The following PIWIL4 variants were observed in gnomAD, a reference collection of about 807,000 sequenced individuals.
The protein encoded by PIWIL4 is piwi-like protein 4.
A neutral mutation model predicts 100.9 loss-of-function variants in PIWIL4; 50 were observed. The ratio of observed to expected loss-of-function variants is 0.50; its 90% CI spans 0.39 to 0.63. PIWIL4 has a LOEUF of 0.63. PIWIL4 is among the 20% of genes least tolerant of loss of function. PIWIL4 has a pLI of 0.00. For missense variants in PIWIL4, 887 were observed against 1,043.3 expected (o/e 0.85, Z 2.06); for synonymous variants, 342 against 367.5 (o/e 0.93, Z 0.79).
chr11:94,588,749 G>A (rs888398461), intron 7 of PIWIL4, among the ~76,000 whole-genome samples: 2 of 152,192 alleles, frequency 1.3e-5, no homozygotes, highest in African/African-American at 4.8e-5. Context: ...CTACCTGGGA[G>A]GTCAGAAACT....
chr11:94,592,118 C>T (rs1360845986), intron 8 of PIWIL4, among the ~76,000 whole-genome samples: 1 of 152,200 alleles, frequency 6.6e-6, no homozygotes, highest in East Asian at 1.9e-4. Context: ...CTACCACCAT[C>T]TCCTTTTCCT....
At chr11:94,614,131 T>TA (rs1192463130) in intron 15 of PIWIL4, among the ~76,000 whole-genome samples, 1 of 151,724 alleles carries the variant, frequency 6.6e-6, no homozygotes, top group Non-Finnish European at 1.5e-5. Context: ...ATTTTTTTTT[T>TA]AATGTCATTG....
At chr11:94,607,398 G>T (rs1440241225) in intron 13 of PIWIL4, 41 bp from the exon 14 acceptor site, 1 of 1,556,948 alleles carries the variant, frequency 6.4e-7, no homozygotes. Flanking sequence ...CTTAGCAGAA[G>T]TAAATTAACT....
chr11:94,591,585 A>G (rs929256342), intron 8 of PIWIL4, among the ~76,000 whole-genome samples: 1 of 152,354 alleles, frequency 6.6e-6, no homozygotes, highest in African/African-American at 2.4e-5. Flanking sequence ...TCTTTCTTGC[A>G]TGATTAAATT....
intron 10 of PIWIL4, 56 bp from the exon 11 acceptor site, chr11:94,597,748 T>C: frequency 7.9e-7 from 1 of 1,268,268 alleles, no homozygotes; most frequent in Non-Finnish European, 1.1e-6. Flanking sequence ...CCCTGACGAA[T>C]TCAGTAAGTT....
rs752447739 is a variant in PIWIL4 at position 94,608,567 on chromosome 11, A to T, written c.1840-16A>T. 4.4e-6 allele frequency: 7 copies of T among 1,601,522 alleles called. No individual in the cohort carries two copies. The highest frequency in any genetic ancestry group is 6.0e-6 in the Non-Finnish European group (7 of 1,168,922). Reference sequence around the variant, plus strand: ...ATACCTCATCCCATTAAATCATGACAAATTTAATTTTATAGTTAAAGTCCC... The same window carrying T: ...ATACCTCATCCCATTAAATCATGACTAATTTAATTTTATAGTTAAAGTCCC... On this transcript the variant is annotated splice_polypyrimidine_tract_variant and intron_variant, in intron 14 of 19. Transcript: ENST00000299001.
Position 94,579,002 on chromosome 11 carries a change from G to T in PIWIL4, c.513+1510G>T, listed in dbSNP as rs1194675382. On this transcript the variant is annotated intron_variant, in intron 4 of 19. Coordinates refer to ENST00000299001, the MANE Select transcript of PIWIL4 (RefSeq NM_152431.3). Reference sequence around the variant, plus strand: ...TGATTTCTTAATTATGAAGCTGGTGGTCTGGTATTTTTAAAATAAGAGCTG... The same window carrying T: ...TGATTTCTTAATTATGAAGCTGGTGTTCTGGTATTTTTAAAATAAGAGCTG... Among the ~76,000 whole-genome samples the T allele has an allele frequency of 2.0e-5, 3 of 152,196 alleles. No homozygotes were observed. The East Asian group carries it at 5.8e-4, about 29-fold the overall frequency.
chr11:94,574,832 G>A (rs1239895949), intron 2 of PIWIL4, among the ~76,000 whole-genome samples, 167 bp from the exon 3 acceptor site: 6 of 152,256 alleles, frequency 3.9e-5, no homozygotes, highest in African/African-American at 1.2e-4. Context: ...ACAATTTTCC[G>A]TTTTTAGGCT....
chr11:94,581,673 A>G (rs1284219681), intron 4 of PIWIL4, among the ~76,000 whole-genome samples: 1 of 152,204 alleles, frequency 6.6e-6, no homozygotes, highest in Non-Finnish European at 1.5e-5. Flanking sequence ...GTGCCACTGA[A>G]ATAGTGTGGG....
chr11:94,600,605 G>T (rs879930100), intron 11 of PIWIL4, among the ~76,000 whole-genome samples: 3 of 152,164 alleles, frequency 2.0e-5, no homozygotes, highest in Admixed American at 2.0e-4. Context: ...TTCGGGCACC[G>T]TTGTCACTGA....
intron 11 of PIWIL4, among the ~76,000 whole-genome samples, chr11:94,601,115 C>T (rs933587569): frequency 5.3e-5 from 8 of 151,224 alleles, no homozygotes; most frequent in Non-Finnish European, 1.0e-4. Flanking sequence ...AAAGTAAAGA[C>T]AGGCATAAGA....
chr11:94,592,315 C>T (rs1948497250), intron 8 of PIWIL4, among the ~76,000 whole-genome samples: 2 of 152,200 alleles, frequency 1.3e-5, no homozygotes, highest in South Asian at 2.1e-4. Context: ...GTTTGTTGTG[C>T]TTTATCGTGC....
chr11:94,577,903 C>A (rs998932926), intron 4 of PIWIL4, among the ~76,000 whole-genome samples: 1 of 152,162 alleles, frequency 6.6e-6, no homozygotes, highest in African/African-American at 2.4e-5. Flanking sequence ...TGCAAACTTA[C>A]CCTTGTTTGT....
intron 8 of PIWIL4, among the ~76,000 whole-genome samples, chr11:94,590,457 T>G (rs1948468454): frequency 6.6e-6 from 1 of 152,222 alleles, no homozygotes; most frequent in African/African-American, 2.4e-5. Context: ...TCACCATGGT[T>G]CCCTCATATA....
At position 94,570,588 on chromosome 11, in the gene PIWIL4, C is replaced by G. The variant is rs373172490; in HGVS notation, c.166+1780C>G. ...GGGGAACACAGTGTAGCCTGTGACCCTGAATAAAACCAGTTAGCCAGGCCG... is the reference window on the plus strand; with the variant it reads ...GGGGAACACAGTGTAGCCTGTGACCGTGAATAAAACCAGTTAGCCAGGCCG... On this transcript the variant is annotated intron_variant, in intron 2 of 19. Transcript: ENST00000299001. 1.8e-3 allele frequency among the ~76,000 whole-genome samples: 272 copies of G among 152,100 alleles called. 2 individuals carry two copies. The highest frequency in any genetic ancestry group is 6.8e-3 in the Middle Eastern group (2 of 294).
intron 13 of PIWIL4, among the ~76,000 whole-genome samples, chr11:94,605,430 G>GCAATGATCCTATATTCTA (rs1489956760): frequency 6.6e-6 from 1 of 152,208 alleles, no homozygotes; most frequent in Non-Finnish European, 1.5e-5. Flanking sequence ...GAGTAGCACA[G>GCAATGATCCTATATTCTA]CAATGATCCT....
intron 4 of PIWIL4, among the ~76,000 whole-genome samples, chr11:94,577,923 T>C (rs1287261256): frequency 6.6e-6 from 1 of 152,232 alleles, no homozygotes; most frequent in South Asian, 2.1e-4. Context: ...TTGAGAAGAA[T>C]GAGTAGAAGC....
intron 4 of PIWIL4, among the ~76,000 whole-genome samples, chr11:94,579,540 A>G (rs1022240205): frequency 6.6e-6 from 1 of 152,224 alleles, no homozygotes; most frequent in African/African-American, 2.4e-5. Flanking sequence ...TATGGTACCA[A>G]TAGCTTAGAT....
At chr11:94,607,374 T>G (rs1948734622) in intron 13 of PIWIL4, 65 bp from the exon 14 acceptor site, 7 of 1,451,398 alleles carry the variant, frequency 4.8e-6, no homozygotes. Flanking sequence ...ATTCATTTCT[T>G]TAAAAAGCAA....
Sources: gnomAD v4.1 joint callset for allele counts (sites outside exome capture counted in the v4.1 genomes callset) on GRCh38, gnomAD v4.1.1 for gene constraint, MANE v1.5 for transcripts, NCBI Gene and HGNC (gene_info 2026-07-23, HGNC 2026-07-21) for gene names.